The following STARD3 variants were observed in gnomAD, a reference collection of about 807,000 sequenced individuals.
The protein encoded by STARD3 is stAR-related lipid transfer protein 3.
In STARD3, 39 loss-of-function variants were observed where a neutral mutation model predicts 62.0. That is an observed-to-expected ratio of 0.63 (90% CI 0.49 to 0.82). The LOEUF (loss-of-function observed/expected upper bound fraction) is 0.82. Ranked by LOEUF, STARD3 falls within the 40% of genes least tolerant of loss-of-function variation. The pLI is 0.00. For synonymous variants in STARD3, 229 were observed against 242.4 expected (o/e 0.94, Z 0.51); for missense variants, 543 against 584.5 (o/e 0.93, Z 0.73).
chr17:39,647,796 A>T (rs2057041193), intron 1 of STARD3, among the ~76,000 whole-genome samples: 1 of 152,100 alleles, frequency 6.6e-6, no homozygotes, highest in Non-Finnish European at 1.5e-5. Flanking sequence ...TGTTTTATAT[A>T]TTGAGGTTCC....
At position 39,660,457 on chromosome 17, in the gene STARD3, C is replaced by G; in HGVS notation, c.885C>G (p.Leu295=). 6.2e-7 allele frequency: 1 copy of G among 1,613,960 alleles called. No individual in the cohort carries two copies. The highest frequency in any genetic ancestry group is 8.5e-7 in the Non-Finnish European group (1 of 1,180,034). Residue 295 remains leucine (L), a synonymous_variant, in exon 11 of 15, where the codon CTC becomes CTG. Coordinates refer to ENST00000336308, the MANE Select transcript of STARD3 (RefSeq NM_006804.4). This position sits in a 1 kb window ranked among gnomAD's most constrained non-coding sequence, Gnocchi z 4.8. ...LKTFLPCPAE[L]VYQEVILQPE... ...CCTTCCTGCCCTGTCCTGCGGAGCTCGTGTACCAGGAGGTGATCCTGCAGC... is the reference window on the plus strand; with the variant it reads ...CCTTCCTGCCCTGTCCTGCGGAGCTGGTGTACCAGGAGGTGATCCTGCAGC...
At position 39,661,022 on chromosome 17, in the gene STARD3, G is replaced by C. The variant is rs949724845; in HGVS notation, c.1076G>C (p.Arg359Pro). 1 of 1,613,666 alleles carries C rather than the reference G, an allele frequency of 6.2e-7. No individual in the cohort carries two copies. Among genetic ancestry groups the C allele is most frequent in the South Asian group, 1.1e-5 (1 of 91,086 alleles). ...CGGCGCATTGAGCGGCGCAGGGACC[G>C]ATACTTGTCATCAGGGATCGCCACC... ...NVRRIERRRD[R>P]YLSSGIATSH... Residue 359 changes from arginine to proline, a missense_variant, in exon 13 of 15, where the codon CGA becomes CCA. By Grantham distance (103) the Arg-to-Pro change is moderately radical. Coordinates refer to ENST00000336308, the MANE Select transcript of STARD3 (RefSeq NM_006804.4).
At chr17:39,661,640 C>G (rs564689435) in intron 13 of STARD3, among the ~76,000 whole-genome samples, 1 of 152,242 alleles carries the variant, frequency 6.6e-6, no homozygotes, top group Non-Finnish European at 1.5e-5. Context: ...CCCATAGACC[C>G]CACTCTTCCC....
chr17:39,653,440 A>G, intron 1 of STARD3, 41 bp from the exon 2 acceptor site: 5 of 1,347,720 alleles, frequency 3.7e-6, no homozygotes, highest in Non-Finnish European at 5.1e-6. Flanking sequence ...TGGGAGGGAC[A>G]GGAGGAGTTT....
At chr17:39,646,306 G>A (rs1476478620) in intron 1 of STARD3, among the ~76,000 whole-genome samples, 2 of 152,164 alleles carry the variant, frequency 1.3e-5, no homozygotes. Flanking sequence ...AGGCTTGAGT[G>A]CAGTGGCACA....
intron 6 of STARD3, 43 bp from the exon 7 acceptor site, chr17:39,658,679 G>A (rs1338610848): frequency 1.9e-6 from 3 of 1,611,278 alleles, no homozygotes; most frequent in South Asian, 2.2e-5. Context: ...CAGGCTGCTA[G>A]GGTGTAACTG....
chr17:39,658,929 C>A, intron 7 of STARD3, 109 bp downstream of exon 7: 1 of 1,556,110 alleles, frequency 6.4e-7, no homozygotes, highest in Non-Finnish European at 8.8e-7. Context: ...TGGGGAAAGC[C>A]AGCAACCCTC....
chr17:39,641,040 C>T (rs1375292876), intron 1 of STARD3, among the ~76,000 whole-genome samples: 1 of 152,216 alleles, frequency 6.6e-6, no homozygotes, highest in Non-Finnish European at 1.5e-5. Flanking sequence ...CATCCCGAGG[C>T]TGATGGCATG....
At chr17:39,639,199 G>A (rs1428568818) in intron 1 of STARD3, among the ~76,000 whole-genome samples, 1 of 152,220 alleles carries the variant, frequency 6.6e-6, no homozygotes, top group African/African-American at 2.4e-5. Flanking sequence ...GCCTGAGGAT[G>A]GTTGAAGTGG....
chr17:39,644,034 T>C (rs945959351), intron 1 of STARD3, among the ~76,000 whole-genome samples: 3 of 152,212 alleles, frequency 2.0e-5, no homozygotes, highest in Non-Finnish European at 4.4e-5. Context: ...TGATCCTTCC[T>C]GATTTGTGCT....
At chr17:39,638,765 T>A (rs955053987) in intron 1 of STARD3, among the ~76,000 whole-genome samples, 1 of 152,222 alleles carries the variant, frequency 6.6e-6, no homozygotes, top group Non-Finnish European at 1.5e-5. Flanking sequence ...GGAATGTCTC[T>A]ACTTCATAGA....
At chr17:39,648,014 G>A (rs918973496) in intron 1 of STARD3, among the ~76,000 whole-genome samples, 3 of 152,056 alleles carry the variant, frequency 2.0e-5, no homozygotes, top group South Asian at 2.1e-4. Flanking sequence ...GGCCGGCCGC[G>A]GTGGCTCACA....
At chr17:39,645,619 G>A (rs1327947158) in intron 1 of STARD3, among the ~76,000 whole-genome samples, 1 of 151,916 alleles carries the variant, frequency 6.6e-6, no homozygotes, top group Non-Finnish European at 1.5e-5. Context: ...ACAGGCACAC[G>A]CCACCATGCC....
At chr17:39,638,309 C>G (rs566662127) in intron 1 of STARD3, among the ~76,000 whole-genome samples, 149 of 152,356 alleles carry the variant, frequency 9.8e-4, no homozygotes, top group African/African-American at 3.3e-3. Context: ...ACAAGTCTTA[C>G]GGTGCCAGTT....
intron 1 of STARD3, among the ~76,000 whole-genome samples, chr17:39,640,327 C>T (rs191912595): frequency 1.2e-4 from 18 of 152,320 alleles, no homozygotes; most frequent in African/African-American, 4.3e-4. Flanking sequence ...CTCCTGACTC[C>T]AGGTCTGCAT....
chr17:39,661,426 A>G lies in STARD3; in HGVS notation c.1139+341A>G, dbSNP rs542255412. On this transcript the variant is annotated intron_variant, in intron 13 of 14. Transcript: ENST00000336308. ...CTGATTGACCTGAGCAGGAGGCTCT[A>G]TGCTCTGGGTTTCATCTTCCTGCCT... 9.2e-5 allele frequency: 27 copies of G among 293,194 alleles called. No homozygotes were observed. The Middle Eastern group carries it at 4.2e-3, about 46-fold the overall frequency. 18.2% of individuals were successfully genotyped at this position (293,194 alleles called of 1,614,324 possible).
Position 39,656,888 on chromosome 17 carries a change from G to C in STARD3, c.220-120G>C, listed in dbSNP as rs917903539. On this transcript the variant is annotated intron_variant, in intron 2 of 14. Transcript: ENST00000336308. Reference sequence around the variant, plus strand: ...CCAGGGCCCCCTGGGTGGTGGCTTAGCATCAACAGCCTCCCCTCCAGGTTC... The same window carrying C: ...CCAGGGCCCCCTGGGTGGTGGCTTACCATCAACAGCCTCCCCTCCAGGTTC... 8.6e-6 allele frequency: 8 copies of C among 931,440 alleles called. No homozygotes were observed. In the African/African-American group the frequency reaches 9.9e-5, roughly 12 times the overall value. The allele number at this position is 931,440 out of a possible 1,614,324, so 57.7% of individuals were successfully genotyped here. A position where few individuals can be genotyped will look rare whatever the true frequency, so the allele number is the denominator to read the frequency against.
intron 1 of STARD3, 24 bp from the exon 2 acceptor site, chr17:39,653,457 A>ACTCTGC: frequency 6.7e-7 from 1 of 1,490,828 alleles, no homozygotes. Flanking sequence ...GTTTGACAGG[A>ACTCTGC]CTCTGCCTCT....
At chr17:39,641,607 A>G (rs1348453404) in intron 1 of STARD3, among the ~76,000 whole-genome samples, 1 of 152,150 alleles carries the variant, frequency 6.6e-6, no homozygotes, top group African/African-American at 2.4e-5. Context: ...CCCATGGGTA[A>G]TAGTAGTAAT....
Sources: allele counts gnomAD v4.1 joint callset (sites outside exome capture counted in the v4.1 genomes callset), GRCh38; gene constraint gnomAD v4.1.1; non-coding constraint Gnocchi (gnomAD v3.1); transcripts MANE v1.5; gene names NCBI Gene and HGNC (gene_info 2026-07-23, HGNC 2026-07-21).